Variants in CDC40 observed in about 807,000 individuals in gnomAD.
CDC40 encodes the protein pre-mRNA-processing factor 17.
Under a neutral mutation model 80.6 loss-of-function variants are expected in CDC40, and 27 were observed. The ratio of observed to expected loss-of-function variants is 0.33; its 90% CI spans 0.25 to 0.46. The LOEUF (loss-of-function observed/expected upper bound fraction) is 0.46, where lower values mean the gene tolerates loss of function less well. Among genes scored for constraint, CDC40 ranks in the 20% least tolerant of loss-of-function variants. The probability of loss-of-function intolerance (pLI) is 1.00; values close to 1 mark genes in which losing one functional copy is unlikely to be tolerated. For missense variants in CDC40, 486 were observed against 694.1 expected, an observed-to-expected ratio of 0.70 and a Z score of 3.37; for synonymous variants, 221 against 232.6, an observed-to-expected ratio of 0.95 and a Z score of 0.45.
At chr6:110,229,062 C>A in intron 14 of CDC40, 86 bp downstream of exon 14, 1 of 1,049,646 alleles carries the variant, frequency 9.5e-7, no homozygotes, top group Non-Finnish European at 1.4e-6. Context: ...ACACATCACT[C>A]TCACATAATA....
chr6:110,189,720 G>A (rs1335471808), intron 1 of CDC40, among the ~76,000 whole-genome samples: 1 of 152,082 alleles, frequency 6.6e-6, no homozygotes, highest in African/African-American at 2.4e-5. Context: ...TCTAGCCTAC[G>A]ATTGACCACA....
At chr6:110,188,028 A>G (rs544266037) in intron 1 of CDC40, among the ~76,000 whole-genome samples, 1 of 152,314 alleles carries the variant, frequency 6.6e-6, no homozygotes, top group South Asian at 2.1e-4. Flanking sequence ...AATTTGTTCT[A>G]TAATTTTAGC....
chr6:110,210,861 C>A, intron 6 of CDC40, 58 bp downstream of exon 6: 2 of 831,072 alleles, frequency 2.4e-6, no homozygotes, highest in South Asian at 4.1e-5. Flanking sequence ...TTACTCTGTT[C>A]GCTGTTCATA....
chr6:110,180,631 A>G lies in CDC40; in HGVS notation c.187A>G (p.Lys63Glu), dbSNP rs1253832034. Residue 63 changes from lysine to glutamate, a missense_variant and splice_region_variant, in exon 1 of 15, where the codon AAG becomes GAG. This residue lies in a region of CDC40 where 381 missense variants were observed against 492.1 expected (regional missense o/e 0.77). Transcript: ENST00000307731. ...GGACTCGGCTCCGGAGGTGGCAGTT[A>G]AGGTAAGCACTTTTGCTACTAATGC... ...AVDSAPEVAV[K>E]EDLETGVHLD... The G allele has an allele frequency of 6.2e-7, 1 of 1,611,438 alleles. No individual in the cohort carries two copies. The highest frequency in any genetic ancestry group is 1.7e-5 in the Admixed American group (1 of 59,994).
chr6:110,221,784 CAT>C (rs1176432199), intron 12 of CDC40, among the ~76,000 whole-genome samples: 1 of 151,018 alleles, frequency 6.6e-6, no homozygotes. Context: ...GGCTTAAGGA[CAT>C]GTGTATGTGG....
chr6:110,206,821 A>G (rs1257206217), intron 3 of CDC40, among the ~76,000 whole-genome samples: 7 of 152,214 alleles, frequency 4.6e-5, no homozygotes, highest in Admixed American at 4.6e-4. Context: ...AATGGTTTCT[A>G]GATTTCCAAG....
chr6:110,193,090 A>C, intron 1 of CDC40, 92 bp from the exon 2 acceptor site: 1 of 723,656 alleles, frequency 1.4e-6, no homozygotes, highest in South Asian at 1.6e-5. Flanking sequence ...CATAAAATAG[A>C]TGTTAAAGAT....
chr6:110,198,058 A>C (rs1397372273), intron 2 of CDC40, among the ~76,000 whole-genome samples: 1 of 151,828 alleles, frequency 6.6e-6, no homozygotes, highest in Non-Finnish European at 1.5e-5. Flanking sequence ...CCTTGCCAAC[A>C]CTTGTTACCC....
chr6:110,229,360 C>T (rs547950147), intron 14 of CDC40, among the ~76,000 whole-genome samples: 55 of 152,266 alleles, frequency 3.6e-4, no homozygotes, highest in African/African-American at 1.3e-3. Flanking sequence ...GTTGCAGTTA[C>T]AGCTTCACTA....
intron 2 of CDC40, among the ~76,000 whole-genome samples, chr6:110,199,340 C>T (rs1056609936): frequency 5.3e-5 from 8 of 151,424 alleles, no homozygotes; most frequent in Non-Finnish European, 8.8e-5. Context: ...TGCCTATAGA[C>T]ATCCCAGCAC....
At chr6:110,220,120 A>G (rs751109985) in intron 12 of CDC40, among the ~76,000 whole-genome samples, 1 of 152,150 alleles carries the variant, frequency 6.6e-6, no homozygotes, top group Non-Finnish European at 1.5e-5. Flanking sequence ...TCTTATACGG[A>G]TGACAGATTT....
At chr6:110,190,122 A>T (rs1022918878) in intron 1 of CDC40, among the ~76,000 whole-genome samples, 1 of 152,210 alleles carries the variant, frequency 6.6e-6, no homozygotes, top group Non-Finnish European at 1.5e-5. Flanking sequence ...GCAACAAATA[A>T]TATATCACAA....
At chr6:110,198,476 C>T (rs1008531766) in intron 2 of CDC40, among the ~76,000 whole-genome samples, 2 of 152,108 alleles carry the variant, frequency 1.3e-5, no homozygotes, top group African/African-American at 4.8e-5. Context: ...TGCACCTGGC[C>T]CCTGTTGGCT....
chr6:110,229,028 CTG>C (rs2114675899), intron 14 of CDC40, 52 bp downstream of exon 14: 1 of 1,392,044 alleles, frequency 7.2e-7, no homozygotes, highest in East Asian at 2.4e-5. Flanking sequence ...ATTATATAAA[CTG>C]TTGTTGTACA....
intron 6 of CDC40, chr6:110,211,648 G>C (rs1777638684): frequency 6.5e-6 from 1 of 152,772 alleles, no homozygotes; most frequent in Admixed American, 6.5e-5. Context: ...TAAAATTTGT[G>C]ATGAAAGTGG....
chr6:110,187,366 G>A (rs1777287462), intron 1 of CDC40, among the ~76,000 whole-genome samples: 1 of 152,130 alleles, frequency 6.6e-6, no homozygotes, highest in African/African-American at 2.4e-5. Context: ...TGTATTCTTT[G>A]CCTTAGCATA....
At chr6:110,221,447 A>G (rs1777774642) in intron 12 of CDC40, among the ~76,000 whole-genome samples, 1 of 152,144 alleles carries the variant, frequency 6.6e-6, no homozygotes, top group South Asian at 2.1e-4. Context: ...CACCACCACC[A>G]CTATACCCCT....
chr6:110,213,432 C>T (rs1348530644), intron 8 of CDC40, among the ~76,000 whole-genome samples: 1 of 150,176 alleles, frequency 6.7e-6, no homozygotes, highest in Non-Finnish European at 1.5e-5. Context: ...CTGTGTTGCC[C>T]AGGCTGGAGT....
chr6:110,219,352 CTT>C lies in CDC40; in HGVS notation c.1091-10_1091-9del. 1 of 1,213,258 alleles carries C rather than the reference CTT, an allele frequency of 8.2e-7. No homozygotes were observed. Among genetic ancestry groups the C allele is most frequent in the Non-Finnish European group, 1.2e-6 (1 of 832,182 alleles). The allele number at this position is 1,213,258 out of a possible 1,614,324, so 75.2% of individuals were successfully genotyped here. On this transcript the variant is annotated splice_polypyrimidine_tract_variant and intron_variant, in intron 10 of 14. Coordinates refer to ENST00000307731, the MANE Select transcript of CDC40 (RefSeq NM_015891.3). ...TTTATTTTACCTATTTAATTTGAGT[CTT>C]TGGTTTTAGGACAGTGTATATCAAG...
Sources: gnomAD v4.1 joint callset for allele counts (sites outside exome capture counted in the v4.1 genomes callset) on GRCh38, gnomAD v4.1.1 for gene constraint, gnomAD v4.1.1 regional missense constraint, MANE v1.5 for transcripts, NCBI Gene and HGNC (gene_info 2026-07-23, HGNC 2026-07-21) for gene names.